TBCK: variants seen among roughly 807,000 people sequenced by gnomAD.
TBCK encodes the protein TBC1 domain containing kinase.
Under a neutral mutation model 113.4 loss-of-function variants are expected in TBCK, and 99 were observed. The ratio of observed to expected loss-of-function variants is 0.87; its 90% CI spans 0.74 to 1.03. The LOEUF (loss-of-function observed/expected upper bound fraction) is 1.03. Ranked by LOEUF, TBCK falls within the 50% of genes least tolerant of loss-of-function variation. The pLI, the probability that TBCK is intolerant of heterozygous loss-of-function variation, is 0.00. For missense variants in TBCK, 1,045 were observed against 1,061.3 expected, an observed-to-expected ratio of 0.98 and a Z score of 0.21; for synonymous variants, 369 against 370.8, an observed-to-expected ratio of 1.00 and a Z score of 0.05.
chr4:106,082,123 C>T (rs1010424627), intron 25 of TBCK, among the ~76,000 whole-genome samples: 1 of 152,168 alleles, frequency 6.6e-6, no homozygotes. Flanking sequence ...ATAATAAATT[C>T]TTCTGCCAAA....
chr4:106,155,914 C>G (rs1343398739), intron 23 of TBCK, among the ~76,000 whole-genome samples: 1 of 152,042 alleles, frequency 6.6e-6, no homozygotes, highest in African/African-American at 2.4e-5. Flanking sequence ...TTAGTGAGGT[C>G]ATGCTTTCCT....
At chr4:106,104,107 A>T (rs1213448503) in intron 24 of TBCK, among the ~76,000 whole-genome samples, 3 of 152,216 alleles carry the variant, frequency 2.0e-5, no homozygotes, top group Non-Finnish European at 4.4e-5. Flanking sequence ...GGAGACCCTG[A>T]AGCCTTAGAT....
intron 25 of TBCK, among the ~76,000 whole-genome samples, chr4:106,085,657 C>T (rs1288559201): frequency 2.0e-5 from 3 of 152,200 alleles, no homozygotes; most frequent in Admixed American, 6.5e-5. Context: ...ATACATTCTT[C>T]TCAGTGCCAC....
intron 19 of TBCK, among the ~76,000 whole-genome samples, chr4:106,220,997 G>A (rs1757615545): frequency 1.3e-5 from 2 of 152,026 alleles, no homozygotes; most frequent in Non-Finnish European, 2.9e-5. Context: ...CACACCTCAG[G>A]CAATTTTCCA....
intron 19 of TBCK, chr4:106,213,801 A>T (rs979463817): frequency 1.3e-5 from 2 of 156,304 alleles, no homozygotes; most frequent in Non-Finnish European, 2.8e-5. Context: ...AGGGGCGCCC[A>T]CCATTGCCCA....
intron 19 of TBCK, among the ~76,000 whole-genome samples, chr4:106,224,248 T>C (rs973710792): frequency 1.1e-4 from 17 of 151,998 alleles, no homozygotes; most frequent in African/African-American, 4.1e-4. Context: ...CATGAGTGTA[T>C]ATATATTTTA....
rs377620473 is a variant in TBCK at position 106,251,874 on chromosome 4, G to A, written c.589C>T (p.Leu197Phe). The A allele has an allele frequency of 3.8e-6, 6 of 1,597,786 alleles. No individual in the cohort carries two copies. The highest frequency in any genetic ancestry group is 2.7e-5 in the African/African-American group (2 of 74,288). ...TATTTCTTTATACATACCACACAAA[G>A]CTCAAATAAAATGATTCCAAGAGAC... ...VWSLGIILFE[L>F]CVGRKLFQSL... The change falls in exon 6 of 26, where the codon CTT becomes TTT. Residue 197 changes from leucine to phenylalanine, a missense_variant. Physicochemically the swap from Leu to Phe is conservative, Grantham distance 22. Coordinates refer to ENST00000394708, the MANE Select transcript of TBCK (RefSeq NM_001163435.3).
chr4:106,214,840 G>A (rs1203821755), intron 19 of TBCK, among the ~76,000 whole-genome samples: 10 of 151,398 alleles, frequency 6.6e-5, no homozygotes, highest in African/African-American at 2.4e-4. Context: ...GCAGGCCAAC[G>A]TTCAGATTCA....
chr4:106,166,508 G>A (rs1750387015), intron 23 of TBCK, among the ~76,000 whole-genome samples: 1 of 151,642 alleles, frequency 6.6e-6, no homozygotes, highest in Non-Finnish European at 1.5e-5. Flanking sequence ...ACATGTGCAG[G>A]TTTGTCACAA....
intron 7 of TBCK, 42 bp from the exon 8 acceptor site, chr4:106,249,024 A>C (rs768792388): frequency 1.4e-6 from 2 of 1,440,522 alleles, no homozygotes; most frequent in Admixed American, 2.1e-5. Context: ...CTATTTTTCT[A>C]ATCTGTCCAA....
intron 25 of TBCK, among the ~76,000 whole-genome samples, chr4:106,053,391 A>G (rs1330135732): frequency 6.6e-6 from 1 of 151,666 alleles, no homozygotes; most frequent in African/African-American, 2.4e-5. Flanking sequence ...GCCTATCAGC[A>G]TCATATGACA....
chr4:106,229,884 C>T (rs1303473543), intron 19 of TBCK, among the ~76,000 whole-genome samples: 2 of 151,844 alleles, frequency 1.3e-5, no homozygotes, highest in South Asian at 2.1e-4. Context: ...AAACAGGTTA[C>T]GCTATGACAT....
At chr4:106,129,561 G>A (rs1024830253) in intron 23 of TBCK, among the ~76,000 whole-genome samples, 2 of 152,080 alleles carry the variant, frequency 1.3e-5, no homozygotes, top group Non-Finnish European at 1.5e-5. Flanking sequence ...TAATGTATGT[G>A]AAGAATACAA....
At chr4:106,131,794 T>C (rs948271423) in intron 23 of TBCK, among the ~76,000 whole-genome samples, 27 of 152,150 alleles carry the variant, frequency 1.8e-4, no homozygotes, top group African/African-American at 6.5e-4. Flanking sequence ...TAGAGACTTA[T>C]GAATGGCTTT....
Position 106,248,289 on chromosome 4 carries a change from C to T in TBCK, c.738G>A (p.Val246=). The T allele has an allele frequency of 1.9e-6, 3 of 1,591,672 alleles. No homozygotes were observed. In the South Asian group the frequency reaches 3.5e-5, roughly 18 times the overall value. ...LDIIKELPET[V]IDLLNKCLTF... Reference sequence around the variant, plus strand: ...TAAGGCACTTATTCAAAAGATCTATCACAGTTTCAGGAAGCTCCTGGTAAA... The same window carrying T: ...TAAGGCACTTATTCAAAAGATCTATTACAGTTTCAGGAAGCTCCTGGTAAA... The change falls in exon 9 of 26, where the codon GTG becomes GTA. Residue 246 remains valine, a synonymous_variant. Transcript: ENST00000394708.
intron 5 of TBCK, among the ~76,000 whole-genome samples, chr4:106,256,497 G>T (rs1341031671): frequency 6.6e-6 from 1 of 152,156 alleles, no homozygotes; most frequent in Non-Finnish European, 1.5e-5. Flanking sequence ...CCCCAACATC[G>T]CTCCAAGATC....
At chr4:106,246,452 A>T (rs891536802) in intron 10 of TBCK, among the ~76,000 whole-genome samples, 5 of 152,150 alleles carry the variant, frequency 3.3e-5, no homozygotes, top group Non-Finnish European at 7.4e-5. Context: ...ATTCTCTTCA[A>T]TATGCAGAAT....
In TBCK at chr4:106,285,324, C is replaced by T. The variant is rs138722549; in HGVS notation, c.266+9770G>A. Among the ~76,000 whole-genome samples the T allele has an allele frequency of 5.6e-3, 853 of 152,108 alleles. 3 individuals are homozygous for T. The highest frequency in any genetic ancestry group is 0.01 in the Non-Finnish European group (695 of 67,952). On this transcript the variant is annotated intron_variant, in intron 3 of 25. Transcript: ENST00000394708. ...AATATAAATTCTCAAAAGGGTTTTA[C>T]GGCCGTTAATACTAAGAGAGAACGT...
chr4:106,257,131 A>G (rs1053990431), intron 5 of TBCK, among the ~76,000 whole-genome samples: 1 of 152,194 alleles, frequency 6.6e-6, no homozygotes, highest in African/African-American at 2.4e-5. Flanking sequence ...AATTAGACAT[A>G]GGAGCAATTG....
Sources: gnomAD v4.1 joint callset for allele counts (sites outside exome capture counted in the v4.1 genomes callset) on GRCh38, gnomAD v4.1.1 for gene constraint, MANE v1.5 for transcripts, NCBI Gene and HGNC (gene_info 2026-07-23, HGNC 2026-07-21) for gene names.